The following SMYD3 variants were observed in gnomAD, a reference collection of about 807,000 sequenced individuals.
The protein encoded by SMYD3 is SET and MYND domain containing 3.
Under a neutral mutation model 57.7 loss-of-function variants are expected in SMYD3, and 36 were observed. That is an observed-to-expected ratio of 0.62 (90% CI 0.48 to 0.82). The LOEUF is 0.82. Among genes scored for constraint, SMYD3 ranks in the 40% least tolerant of loss-of-function variants. The pLI is 0.00. For missense variants in SMYD3, 515 were observed against 538.8 expected (o/e 0.96, Z 0.44); for synonymous variants, 211 against 195.0 (o/e 1.08, Z -0.68).
chr1:246,229,820 G>A (rs1008072745), intron 5 of SMYD3, among the ~76,000 whole-genome samples: 10 of 152,140 alleles, frequency 6.6e-5, no homozygotes, highest in African/African-American at 2.2e-4. Context: ...ATTTCAACAC[G>A]CATTTTGGAG....
intron 5 of SMYD3, among the ~76,000 whole-genome samples, chr1:245,941,712 A>G (rs1226748663): frequency 2.0e-5 from 3 of 151,980 alleles, no homozygotes; most frequent in African/African-American, 7.3e-5. Flanking sequence ...TAGTAGAGAC[A>G]GGTTTTCAAC....
chr1:246,459,334 G>A (rs1041547965), intron 1 of SMYD3, among the ~76,000 whole-genome samples: 2 of 145,672 alleles, frequency 1.4e-5, no homozygotes, highest in Non-Finnish European at 3.0e-5. Flanking sequence ...GAGTTCTCGC[G>A]AGATCTTATT....
intron 1 of SMYD3, among the ~76,000 whole-genome samples, chr1:246,489,654 A>G (rs756957536): frequency 1.3e-5 from 2 of 152,208 alleles, no homozygotes; most frequent in Non-Finnish European, 2.9e-5. Context: ...AAGCTTCAAT[A>G]TCTTGTGTCA....
chr1:246,066,348 T>G (rs1185462326), intron 5 of SMYD3, among the ~76,000 whole-genome samples: 2 of 152,256 alleles, frequency 1.3e-5, no homozygotes, highest in African/African-American at 4.8e-5. Context: ...ACAATTTGGA[T>G]GTAAACAAGA....
chr1:245,764,233 C>A, intron 10 of SMYD3, 84 bp from the exon 11 acceptor site: 1 of 857,168 alleles, frequency 1.2e-6, no homozygotes, highest in South Asian at 1.4e-5. Context: ...AAAGTGGAAG[C>A]AGACACTAGC....
chr1:245,952,621 T>C (rs561162437), intron 5 of SMYD3, among the ~76,000 whole-genome samples: 96 of 152,248 alleles, frequency 6.3e-4, no homozygotes, highest in Middle Eastern at 3.4e-3. Flanking sequence ...CTTGAGAAGA[T>C]TGTGATACTA....
chr1:245,885,767 T>TGA (rs2053056245), intron 8 of SMYD3, among the ~76,000 whole-genome samples: 2 of 152,262 alleles, frequency 1.3e-5, no homozygotes, highest in South Asian at 2.1e-4. Context: ...TAAAAGACAA[T>TGA]TACATAAAAT....
chr1:246,183,626 TAA>T (rs1471461602), intron 5 of SMYD3, among the ~76,000 whole-genome samples: 1 of 152,026 alleles, frequency 6.6e-6, no homozygotes, highest in Non-Finnish European at 1.5e-5. Flanking sequence ...GGTCCTGATA[TAA>T]AGTCTTGAAA....
chr1:246,436,170 T>C (rs1454889890), intron 1 of SMYD3, among the ~76,000 whole-genome samples: 2 of 145,256 alleles, frequency 1.4e-5, no homozygotes, highest in Non-Finnish European at 1.5e-5. Flanking sequence ...AGAAAAACTA[T>C]GAACCATTCT....
chr1:246,506,968 C>G, intron 1 of SMYD3, 86 bp downstream of exon 1: 1 of 1,251,086 alleles, frequency 8.0e-7, no homozygotes, highest in Non-Finnish European at 1.1e-6. Context: ...GCAGGAGTCC[C>G]GCGGCTGCCG....
At chr1:246,059,045 T>A (rs1291124444) in intron 5 of SMYD3, among the ~76,000 whole-genome samples, 2 of 152,166 alleles carry the variant, frequency 1.3e-5, no homozygotes, top group East Asian at 3.9e-4. Context: ...CGGCTAAATT[T>A]TTTTGTATTT....
chr1:246,501,177 T>C (rs10924754), intron 1 of SMYD3, among the ~76,000 whole-genome samples: 97,303 of 152,080 alleles, frequency 0.64, 31,405 homozygotes, highest in East Asian at 0.89. Context: ...AACCATATTT[T>C]ACAAAATCAG....
chr1:245,950,488 G>C (rs1042864953), intron 5 of SMYD3, among the ~76,000 whole-genome samples: 1 of 152,158 alleles, frequency 6.6e-6, no homozygotes, highest in African/African-American at 2.4e-5. Flanking sequence ...GGCCCTGAAC[G>C]TCTGACCACC....
chr1:246,314,942 G>GT (rs1197963076), intron 5 of SMYD3, among the ~76,000 whole-genome samples: 2 of 152,206 alleles, frequency 1.3e-5, no homozygotes, highest in East Asian at 3.8e-4. Flanking sequence ...TCTGTTTGCT[G>GT]TATCACATTT....
At chr1:246,083,322 T>C (rs2060671117) in intron 5 of SMYD3, among the ~76,000 whole-genome samples, 1 of 152,162 alleles carries the variant, frequency 6.6e-6, no homozygotes, top group African/African-American at 2.4e-5. Flanking sequence ...CATTGAGATG[T>C]TTATGTATAT....
intron 5 of SMYD3, among the ~76,000 whole-genome samples, chr1:246,239,282 G>A (rs2063562748): frequency 1.3e-5 from 2 of 152,030 alleles, no homozygotes; most frequent in South Asian, 2.1e-4. Context: ...GGTGTGTGAT[G>A]TTCCCCACCC....
chr1:245,839,063 G>A (rs961582281), intron 10 of SMYD3, among the ~76,000 whole-genome samples: 3 of 152,166 alleles, frequency 2.0e-5, no homozygotes, highest in Admixed American at 1.3e-4. Context: ...CTTTCTGGGC[G>A]GTGAGCTCTG....
intron 5 of SMYD3, among the ~76,000 whole-genome samples, chr1:246,042,925 G>C (rs958850091): frequency 6.6e-6 from 1 of 152,144 alleles, no homozygotes; most frequent in African/African-American, 2.4e-5. Flanking sequence ...GCTCTGAATA[G>C]TGGCTACTCT....
At chr1:246,327,382 C>T in intron 4 of SMYD3, 45 bp from the exon 5 acceptor site, 1 of 1,553,850 alleles carries the variant, frequency 6.4e-7, no homozygotes, top group South Asian at 1.2e-5. Flanking sequence ...AAGTAAACTT[C>T]TGAAGGATAA....
Sources: allele counts gnomAD v4.1 joint callset (sites outside exome capture counted in the v4.1 genomes callset), GRCh38; gene constraint gnomAD v4.1.1; transcripts MANE v1.5; gene names NCBI Gene and HGNC (gene_info 2026-07-23, HGNC 2026-07-21).